EPB41L5: variants seen among roughly 807,000 people sequenced by gnomAD.
EPB41L5 encodes the protein erythrocyte membrane protein band 4.1 like 5.
Under a neutral mutation model 106.6 loss-of-function variants are expected in EPB41L5, and 55 were observed. The observed-to-expected ratio is 0.52, with a 90% CI of 0.42 to 0.65. The LOEUF (loss-of-function observed/expected upper bound fraction) is 0.65. Ranked by LOEUF, EPB41L5 falls within the 30% of genes least tolerant of loss-of-function variation. The pLI, the probability that EPB41L5 is intolerant of heterozygous loss-of-function variation, is 0.00. For synonymous variants in EPB41L5, 297 were observed against 306.7 expected, an observed-to-expected ratio of 0.97 and a Z score of 0.33; for missense variants, 871 against 882.1, an observed-to-expected ratio of 0.99 and a Z score of 0.16.
chr2:120,062,479 A>T (rs529082533), intron 3 of EPB41L5, among the ~76,000 whole-genome samples: 5 of 152,296 alleles, frequency 3.3e-5, no homozygotes, highest in African/African-American at 1.2e-4. Context: ...TCTGGATTTT[A>T]AAAAAATTAA....
chr2:120,131,603 T>C lies in EPB41L5; in HGVS notation c.1502-15T>C. The C allele has an allele frequency of 6.2e-7, 1 of 1,603,036 alleles. No homozygotes were observed. ...GGCAGACTGGGGTTATTTTGCCTTTTTTTTTTCTTTTCAGCATTAAAAGAC... is the reference window on the plus strand; with the variant it reads ...GGCAGACTGGGGTTATTTTGCCTTTCTTTTTTCTTTTCAGCATTAAAAGAC... On this transcript the variant is annotated splice_polypyrimidine_tract_variant and intron_variant, in intron 17 of 24. Transcript: ENST00000263713.
intron 14 of EPB41L5, among the ~76,000 whole-genome samples, chr2:120,098,190 T>TGTGTGTGTGTGTGTGTGTG (rs1574660633): frequency 1.4e-4 from 1 of 7,208 alleles, no homozygotes; most frequent in East Asian, 4.3e-3. Flanking sequence ...GTGTGTGTGT[T>TGTGTGTGTGTGTGTGTGTG]TTGGTGGGGT....
chr2:120,027,987 C>T lies in EPB41L5; in HGVS notation c.180+8723C>T, dbSNP rs910378603. Among the ~76,000 whole-genome samples the T allele has an allele frequency of 1.8e-4, 27 of 151,818 alleles. 1 individual carries two copies. The highest frequency in any genetic ancestry group is 3.2e-3 in the Middle Eastern group (1 of 316). ...AAGCGATTCTACTGCCTCAGTCTTC[C>T]GAGTCACTGGGATTACAGGCGCCCA... On this transcript the variant is annotated intron_variant, in intron 2 of 24. Transcript: ENST00000263713.
chr2:120,120,641 A>AACAG (rs1275385921), intron 16 of EPB41L5, among the ~76,000 whole-genome samples: 1 of 152,040 alleles, frequency 6.6e-6, no homozygotes, highest in African/African-American at 2.4e-5. Context: ...GAAAGAAAGA[A>AACAG]ACAGACCATC....
intron 2 of EPB41L5, among the ~76,000 whole-genome samples, chr2:120,039,558 G>T (rs1459201841): frequency 2.0e-5 from 3 of 152,100 alleles, no homozygotes; most frequent in Admixed American, 6.6e-5. Flanking sequence ...AGGCGTGGTG[G>T]CTCACACCTG....
At chr2:120,084,641 C>T (rs751460727) in intron 10 of EPB41L5, among the ~76,000 whole-genome samples, 1 of 152,046 alleles carries the variant, frequency 6.6e-6, no homozygotes, top group Non-Finnish European at 1.5e-5. Context: ...TTGTGGTGTT[C>T]TCTGTATTTC....
intron 3 of EPB41L5, among the ~76,000 whole-genome samples, chr2:120,043,524 G>A (rs1441180364): frequency 6.6e-6 from 1 of 151,794 alleles, no homozygotes; most frequent in Non-Finnish European, 1.5e-5. Flanking sequence ...TCCAGCTTGG[G>A]TGACAGAGCG....
chr2:120,018,444 C>G (rs990429425), intron 1 of EPB41L5, among the ~76,000 whole-genome samples: 8 of 152,136 alleles, frequency 5.3e-5, no homozygotes, highest in African/African-American at 1.9e-4. Context: ...TTAGAAAGCT[C>G]CAAACTGTGG....
intron 21 of EPB41L5, among the ~76,000 whole-genome samples, chr2:120,162,165 T>C (rs1687163678): frequency 6.6e-6 from 1 of 152,188 alleles, no homozygotes; most frequent in Non-Finnish European, 1.5e-5. Context: ...TATTTGTTGA[T>C]TGACACAAAC....
At chr2:120,159,126 T>C (rs1350868173) in intron 20 of EPB41L5, among the ~76,000 whole-genome samples, 1 of 152,056 alleles carries the variant, frequency 6.6e-6, no homozygotes, top group African/African-American at 2.4e-5. Flanking sequence ...TCCATGCCCA[T>C]GGATAGAATC....
intron 16 of EPB41L5, chr2:120,105,298 A>G: frequency 9.3e-6 from 9 of 963,998 alleles, no homozygotes; most frequent in Non-Finnish European, 1.1e-5. Context: ...AAAATTTTCA[A>G]ATTTTTAAAC....
At chr2:120,075,981 C>G (rs1280952532) in intron 7 of EPB41L5, among the ~76,000 whole-genome samples, 2 of 152,180 alleles carry the variant, frequency 1.3e-5, no homozygotes, top group African/African-American at 4.8e-5. Flanking sequence ...ACGTCATACT[C>G]TACCTGATAA....
chr2:120,068,079 C>T (rs1681570730), intron 3 of EPB41L5, among the ~76,000 whole-genome samples: 1 of 152,098 alleles, frequency 6.6e-6, no homozygotes, highest in African/African-American at 2.4e-5. Context: ...ACTGAGGTAC[C>T]CAGCTCATCT....
At chr2:120,141,861 A>G (rs1456672323) in intron 18 of EPB41L5, among the ~76,000 whole-genome samples, 1 of 152,104 alleles carries the variant, frequency 6.6e-6, no homozygotes, top group Non-Finnish European at 1.5e-5. Flanking sequence ...TGAATATGTT[A>G]GAGGTATGCA....
At chr2:120,106,294 A>G in intron 16 of EPB41L5, 1 of 985,386 alleles carries the variant, frequency 1.0e-6, no homozygotes, top group African/African-American at 1.7e-5. Context: ...TGGTAGTAAA[A>G]TTAAACTTGT....
chr2:120,042,384 G>A (rs1042864936), intron 3 of EPB41L5, among the ~76,000 whole-genome samples: 1 of 152,142 alleles, frequency 6.6e-6, no homozygotes, highest in African/African-American at 2.4e-5. Flanking sequence ...ACTGTTGTCT[G>A]GATTGTTGGG....
intron 3 of EPB41L5, among the ~76,000 whole-genome samples, chr2:120,067,799 TAAA>T (rs1443628355): frequency 6.6e-6 from 1 of 152,242 alleles, no homozygotes; most frequent in Non-Finnish European, 1.5e-5. Context: ...AATCTGCTAA[TAAA>T]TTTTACATTT....
At position 120,135,939 on chromosome 2, in the gene EPB41L5, C is replaced by T. The variant is rs528587329; in HGVS notation, c.1599+4224C>T. On this transcript the variant is annotated intron_variant, in intron 18 of 24. Transcript: ENST00000263713. The stretch of plus-strand genomic sequence containing the variant: ...GTAATGGTATGTACACTAACAAATA[C>T]GGCATATTATAACACTGAAATTGTT... Among the ~76,000 whole-genome samples, 22 of 152,066 alleles carry T rather than the reference C, an allele frequency of 1.4e-4. 1 individual carries two copies. The South Asian group carries it at 2.7e-3, about 19-fold the overall frequency.
At chr2:120,122,869 C>G (rs960176941) in intron 16 of EPB41L5, among the ~76,000 whole-genome samples, 7 of 152,156 alleles carry the variant, frequency 4.6e-5, no homozygotes, top group Admixed American at 2.0e-4. Context: ...GTTTGTAGTT[C>G]TCCTTGAAGA....
Sources: gnomAD v4.1 joint callset for allele counts (sites outside exome capture counted in the v4.1 genomes callset) on GRCh38, gnomAD v4.1.1 for gene constraint, MANE v1.5 for transcripts, NCBI Gene and HGNC (gene_info 2026-07-23, HGNC 2026-07-21) for gene names.